MRPL21: variants seen among roughly 807,000 people sequenced by gnomAD.
MRPL21 encodes mitochondrial ribosomal protein L21, also known as large ribosomal subunit protein bL21m.
MRPL21 carries 20 observed loss-of-function variants against 27.3 expected under a neutral mutation model. The ratio of observed to expected loss-of-function variants is 0.73; its 90% CI spans 0.52 to 1.06. The LOEUF is 1.06. MRPL21 is among the 50% of genes least tolerant of loss of function. MRPL21 has a pLI of 0.00. For synonymous variants in MRPL21, 98 were observed against 101.5 expected (o/e 0.97, Z 0.21); for missense variants, 249 against 251.4 (o/e 0.99, Z 0.06).
At chr11:68,902,105 A>T (rs1450562287) in intron 1 of MRPL21, among the ~76,000 whole-genome samples, 1 of 152,110 alleles carries the variant, frequency 6.6e-6, no homozygotes, top group African/African-American at 2.4e-5. Context: ...AGTCCTAGAG[A>T]CTGTGACTGT....
intron 2 of MRPL21, among the ~76,000 whole-genome samples, chr11:68,898,925 T>C (rs1384220249): frequency 6.6e-6 from 1 of 152,192 alleles, no homozygotes; most frequent in Non-Finnish European, 1.5e-5. Flanking sequence ...GTAGCTGGGA[T>C]TACAGGCACA....
At chr11:68,894,873 G>C (rs1857747179) in intron 4 of MRPL21, among the ~76,000 whole-genome samples, 1 of 152,222 alleles carries the variant, frequency 6.6e-6, no homozygotes. Context: ...TGCCTTCAGA[G>C]GAGGAGCTTT....
chr11:68,895,003 G>T (rs537679312), intron 4 of MRPL21, among the ~76,000 whole-genome samples: 2 of 152,052 alleles, frequency 1.3e-5, no homozygotes, highest in African/African-American at 4.8e-5. Flanking sequence ...GGTGGCTCAC[G>T]CCTGTAATCC....
intron 1 of MRPL21, 119 bp from the exon 2 acceptor site, chr11:68,900,724 G>C: frequency 1.2e-6 from 1 of 866,332 alleles, no homozygotes. Context: ...CTGCATGACA[G>C]CCTGCCCACA....
intron 2 of MRPL21, among the ~76,000 whole-genome samples, chr11:68,900,240 AT>A (rs912091500): frequency 6.6e-6 from 1 of 152,252 alleles, no homozygotes; most frequent in Non-Finnish European, 1.5e-5. Context: ...CACATACAGA[AT>A]TTCTCTTTGG....
intron 2 of MRPL21, among the ~76,000 whole-genome samples, chr11:68,898,890 C>T (rs916566861): frequency 3.9e-5 from 6 of 152,172 alleles, no homozygotes; most frequent in Non-Finnish European, 7.4e-5. Context: ...AGGGTTCCAG[C>T]GATTCTCCTG....
chr11:68,891,865 G>A, intron 6 of MRPL21: 2 of 475,068 alleles, frequency 4.2e-6, no homozygotes, highest in Admixed American at 7.4e-5. Flanking sequence ...GAGCTGTGAG[G>A]GACAGAATTC....
chr11:68,901,029 T>C (rs757515885), intron 1 of MRPL21, among the ~76,000 whole-genome samples: 30 of 152,302 alleles, frequency 2.0e-4, no homozygotes, highest in Non-Finnish European at 2.9e-4. Context: ...ACGTGGCTTC[T>C]GGGATGAGGT....
intron 3 of MRPL21, 89 bp from the exon 4 acceptor site, chr11:68,896,767 C>G: frequency 6.5e-7 from 1 of 1,549,666 alleles, no homozygotes; most frequent in South Asian, 1.2e-5. Flanking sequence ...TGGTGGGGCC[C>G]TAGGGTGGAC....
chr11:68,891,683 G>A (rs1458982097), intron 6 of MRPL21: 18 of 550,612 alleles, frequency 3.3e-5, no homozygotes, highest in Non-Finnish European at 4.9e-5. Flanking sequence ...TCTGGAGTGC[G>A]TGGGAGGATG....
At chr11:68,898,737 G>A (rs11608044) in intron 2 of MRPL21, among the ~76,000 whole-genome samples, 12,715 of 152,192 alleles carry the variant, frequency 0.084, 694 homozygotes, top group Non-Finnish European at 0.13. Context: ...ATAGCACTGC[G>A]GTCCCCAGCC....
chr11:68,900,823 C>T (rs1396970007), intron 1 of MRPL21, among the ~76,000 whole-genome samples: 1 of 152,188 alleles, frequency 6.6e-6, no homozygotes, highest in African/African-American at 2.4e-5. Context: ...CATCTACAAG[C>T]GCCTGAGACC....
intron 3 of MRPL21, 22 bp downstream of exon 3, chr11:68,897,903 TTC>T (rs751768746): frequency 6.3e-7 from 1 of 1,596,224 alleles, no homozygotes; most frequent in Non-Finnish European, 8.6e-7. Context: ...GCCCTCTAGC[TTC>T]TGTCTCCCAG....
chr11:68,901,964 C>G (rs1474380376), intron 1 of MRPL21, among the ~76,000 whole-genome samples: 1 of 152,202 alleles, frequency 6.6e-6, no homozygotes, highest in African/African-American at 2.4e-5. Flanking sequence ...ACTACTCAGT[C>G]AACCCATTGG....
chr11:68,891,580 C>T, intron 6 of MRPL21, 185 bp from the exon 7 acceptor site: 1 of 649,426 alleles, frequency 1.5e-6, no homozygotes, highest in East Asian at 2.7e-5. Flanking sequence ...ACTCTGTTGG[C>T]AGGTGCAGAG....
chr11:68,891,884 C>T (rs867892153), intron 6 of MRPL21: 31 of 486,990 alleles, frequency 6.4e-5, no homozygotes, highest in Middle Eastern at 5.2e-4. Context: ...TCTGCAGCCG[C>T]TCAGCTATGT....
chr11:68,891,665 C>A, intron 6 of MRPL21: 1 of 569,056 alleles, frequency 1.8e-6, no homozygotes, highest in Non-Finnish European at 3.2e-6. Context: ...ACTGTCTATG[C>A]TGTGACTTCT....
chr11:68,897,669 G>A lies in MRPL21; in HGVS notation c.232+258C>T, dbSNP rs544517502. The A allele has an allele frequency of 8.8e-4, 473 of 537,286 alleles. 1 individual carries two copies. The highest frequency in any genetic ancestry group is 8.0e-3 in the South Asian group (318 of 39,784). 33.3% of individuals were successfully genotyped at this position (537,286 alleles called of 1,614,324 possible). A position where few individuals can be genotyped will look rare whatever the true frequency, so the allele number is the denominator to read the frequency against. On this transcript the variant is annotated intron_variant, in intron 3 of 6. Coordinates refer to ENST00000362034, the MANE Select transcript of MRPL21 (RefSeq NM_181514.2). The stretch of plus-strand genomic sequence containing the variant: ...GCTGCACCCACCAACAGAAGCAGAC[G>A]AGATGGAGCAGGGGCCCCCTGCCCT...
rs368782147 is a variant in MRPL21 at position 68,893,008 on chromosome 11, A to T, written c.450-15T>A. Reference sequence around the variant, plus strand: ...CAAGATCCTTTCTAGAAGGAAGAAAAATCAACAATAATGTACCTTTTGGAT... The same window carrying T: ...CAAGATCCTTTCTAGAAGGAAGAAATATCAACAATAATGTACCTTTTGGAT... On this transcript the variant is annotated splice_polypyrimidine_tract_variant and intron_variant, in intron 5 of 6. Coordinates refer to ENST00000362034, the MANE Select transcript of MRPL21 (RefSeq NM_181514.2). 4.6e-5 allele frequency: 71 copies of T among 1,547,226 alleles called. No homozygotes were observed. In the African/African-American group the frequency reaches 6.9e-4, roughly 15 times the overall value.
Sources: allele counts gnomAD v4.1 joint callset (sites outside exome capture counted in the v4.1 genomes callset), GRCh38; gene constraint gnomAD v4.1.1; transcripts MANE v1.5; gene names NCBI Gene and HGNC (gene_info 2026-07-23, HGNC 2026-07-21).